The following ERBIN variants were observed in gnomAD, a reference collection of about 807,000 sequenced individuals.
ERBIN encodes the protein erbb2 interacting protein.
In ERBIN, 60 loss-of-function variants were observed where a neutral mutation model predicts 158.4. That is an observed-to-expected ratio of 0.38 (90% CI 0.31 to 0.47). The LOEUF (loss-of-function observed/expected upper bound fraction) is 0.47. ERBIN is among the 20% of genes least tolerant of loss of function. The pLI, the probability that ERBIN is intolerant of heterozygous loss-of-function variation, is 0.99. For synonymous variants in ERBIN, 594 were observed against 557.2 expected (o/e 1.07, Z -0.93); for missense variants, 1,610 against 1,648.0 (o/e 0.98, Z 0.40).
chr5:66,023,851 T>A (rs1755955380), intron 9 of ERBIN, among the ~76,000 whole-genome samples: 1 of 152,014 alleles, frequency 6.6e-6, no homozygotes, highest in African/African-American at 2.4e-5. Context: ...AATTTTTTTT[T>A]ATTTTTTAGT....
chr5:65,958,679 A>T (rs984425423), intron 1 of ERBIN, among the ~76,000 whole-genome samples: 17 of 151,684 alleles, frequency 1.1e-4, no homozygotes, highest in Non-Finnish European at 2.2e-4. Context: ...AGGGGGAGGG[A>T]AATGTAGGAT....
chr5:65,994,771 C>T lies in ERBIN; in HGVS notation c.214C>T (p.His72Tyr), dbSNP rs751899967. Reference sequence around the variant, plus strand: ...GCAACTTTTTAACTGTCAGTCTTTACACAAACTGAGTTTGCCAGACAATGA... The same window carrying T: ...GCAACTTTTTAACTGTCAGTCTTTATACAAACTGAGTTTGCCAGACAATGA... ...PKQLFNCQSL[H>Y]KLSLPDNDLT... The change falls in exon 4 of 26, where the codon CAC becomes TAC. Residue 72 changes from histidine (H) to tyrosine (Y), a missense_variant. His to Tyr is a moderately conservative substitution (Grantham distance 83, BLOSUM62 2). This residue lies in a region of ERBIN where 596 missense variants were observed against 711.9 expected (regional missense o/e 0.84). Coordinates refer to ENST00000284037, the MANE Select transcript of ERBIN (RefSeq NM_001253697.2). 6.2e-7 allele frequency: 1 copy of T among 1,606,074 alleles called. No individual in the cohort carries two copies. The highest frequency in any genetic ancestry group is 8.5e-7 in the Non-Finnish European group (1 of 1,177,024).
chr5:65,981,575 A>G (rs753707743), intron 1 of ERBIN, among the ~76,000 whole-genome samples: 2 of 152,220 alleles, frequency 1.3e-5, no homozygotes, highest in Non-Finnish European at 2.9e-5. Context: ...TGCTTATGGT[A>G]CAGATTCTAT....
At chr5:66,048,869 T>C (rs1376687783) in intron 19 of ERBIN, 88 bp downstream of exon 19, 1 of 745,312 alleles carries the variant, frequency 1.3e-6, no homozygotes, top group Non-Finnish European at 2.1e-6. Flanking sequence ...GAATATTATG[T>C]TATTTGATAC....
intron 1 of ERBIN, among the ~76,000 whole-genome samples, chr5:65,970,505 T>C (rs1211985417): frequency 2.6e-5 from 4 of 152,232 alleles, no homozygotes; most frequent in Admixed American, 6.5e-5. Flanking sequence ...TTCTACACTT[T>C]GGTTTATATA....
intron 4 of ERBIN, among the ~76,000 whole-genome samples, chr5:66,001,339 T>G (rs866862912): frequency 6.6e-6 from 1 of 152,198 alleles, no homozygotes. Flanking sequence ...GTGCACTGTT[T>G]GGAAGGAGGC....
chr5:66,014,699 A>G lies in ERBIN; in HGVS notation c.507A>G (p.Arg169=). ...CTAAACTCCAAATATTAGAGCTTAGAGAAAACCAGTTAAAAATGTTGCCTA... is the reference window on the plus strand; with the variant it reads ...CTAAACTCCAAATATTAGAGCTTAGGGAAAACCAGTTAAAAATGTTGCCTA... ...RLTKLQILEL[R]ENQLKMLPKT... The change falls in exon 7 of 26, where the codon AGA becomes AGG. Residue 169 remains arginine (R), a synonymous_variant. Transcript: ENST00000284037. 6.9e-7 allele frequency: 1 copy of G among 1,456,254 alleles called. No homozygotes were observed. 90.2% of individuals were successfully genotyped at this position (1,456,254 alleles called of 1,614,324 possible).
intron 18 of ERBIN, among the ~76,000 whole-genome samples, chr5:66,047,948 CTG>C (rs767858800): frequency 1.1e-4 from 17 of 151,838 alleles, no homozygotes; most frequent in Admixed American, 5.3e-4. Flanking sequence ...TAAGGATAGA[CTG>C]TGCTAAGTGT....
At chr5:65,984,412 T>G (rs1398103882) in intron 1 of ERBIN, among the ~76,000 whole-genome samples, 1 of 152,196 alleles carries the variant, frequency 6.6e-6, no homozygotes, top group East Asian at 1.9e-4. Flanking sequence ...TGGGTTCTTT[T>G]TCTCCTCTCT....
At chr5:66,059,926 T>C (rs1760071023) in intron 21 of ERBIN, among the ~76,000 whole-genome samples, 1 of 152,376 alleles carries the variant, frequency 6.6e-6, no homozygotes, top group African/African-American at 2.4e-5. Flanking sequence ...GATGTGTTGC[T>C]GGATTCAGTT....
At chr5:66,023,118 G>A (rs1414366256) in intron 8 of ERBIN, 172 bp from the exon 9 acceptor site, 15 of 543,604 alleles carry the variant, frequency 2.8e-5, no homozygotes, top group East Asian at 6.4e-5. Flanking sequence ...CTATAATGCA[G>A]TAGAAAGGCT....
At chr5:66,067,122 A>T (rs539674776) in intron 21 of ERBIN, among the ~76,000 whole-genome samples, 1 of 152,274 alleles carries the variant, frequency 6.6e-6, no homozygotes, top group South Asian at 2.1e-4. Flanking sequence ...TCAAATGTTT[A>T]TGAAACCTCC....
In ERBIN at chr5:66,081,413, T is replaced by G. The variant is rs930648041; in HGVS notation, c.*2883T>G. 2.6e-5 allele frequency: 4 copies of G among 151,510 alleles called. No individual in the cohort carries two copies. Among genetic ancestry groups the G allele is most frequent in the African/African-American group, 9.7e-5 (4 of 41,398 alleles). 9.4% of individuals were successfully genotyped at this position (151,510 alleles called of 1,614,324 possible). On this transcript the variant is annotated 3_prime_UTR_variant, in exon 26 of 26. Transcript: ENST00000284037. ...ACTTGCCATAAGCAGAACCAAACTT[T>G]TAAGTATTAATTTGCTGCACTTAAA...
intron 21 of ERBIN, among the ~76,000 whole-genome samples, chr5:66,060,874 G>A (rs999201563): frequency 1.3e-5 from 2 of 152,182 alleles, no homozygotes; most frequent in African/African-American, 4.8e-5. Flanking sequence ...TTAATCCTGA[G>A]TTCTAGTTTG....
At chr5:65,934,889 C>G (rs1024708369) in intron 1 of ERBIN, among the ~76,000 whole-genome samples, 1 of 152,112 alleles carries the variant, frequency 6.6e-6, no homozygotes, top group Non-Finnish European at 1.5e-5. Flanking sequence ...TGAGAACCCC[C>G]TGGCTTATTT....
At chr5:65,942,538 A>G (rs1189191883) in intron 1 of ERBIN, among the ~76,000 whole-genome samples, 1 of 152,230 alleles carries the variant, frequency 6.6e-6, no homozygotes, top group East Asian at 1.9e-4. Flanking sequence ...TTAATTTACA[A>G]AAAAAGTTTA....
In ERBIN at chr5:66,054,510, A is replaced by G. The variant is rs1304553706; in HGVS notation, c.3192A>G (p.Arg1064=). ...GEMWAISPND[R]LIPAVTRSTI... ...TGTGGGCCATCTCACCAAACGACCGACTTATTCCTGCAGTAACTCGAAGTA... is the reference window on the plus strand; with the variant it reads ...TGTGGGCCATCTCACCAAACGACCGGCTTATTCCTGCAGTAACTCGAAGTA... The change falls in exon 21 of 26, where the codon CGA becomes CGG. Residue 1064 remains arginine, a synonymous_variant. Transcript: ENST00000284037. The G allele has an allele frequency of 1.9e-6, 3 of 1,614,070 alleles. No individual in the cohort carries two copies. The East Asian group carries it at 6.7e-5, about 36-fold the overall frequency.
intron 4 of ERBIN, among the ~76,000 whole-genome samples, chr5:66,005,788 A>G (rs1172888666): frequency 1.3e-5 from 2 of 152,236 alleles, no homozygotes; most frequent in Non-Finnish European, 2.9e-5. Context: ...GTGAACTCCC[A>G]TTCACAATTG....
In ERBIN at chr5:66,053,571, A is replaced by G. The variant is rs1163522408; in HGVS notation, c.2253A>G (p.Thr751=). Residue 751 remains threonine, a synonymous_variant, in exon 21 of 26, where the codon ACA becomes ACG. Transcript: ENST00000284037. ...TAATTGAGAAAAGTGTTGACTCAAC[A>G]GCCACAGCTGATGACACTCACAAAT... The part of the protein sequence containing the change: ...LVLIEKSVDS[T]ATADDTHKLD... 3.1e-6 allele frequency: 5 copies of G among 1,610,928 alleles called. No homozygotes were observed. Among genetic ancestry groups the G allele is most frequent in the South Asian group, 1.1e-5 (1 of 90,678 alleles).
Sources: allele counts gnomAD v4.1 joint callset (sites outside exome capture counted in the v4.1 genomes callset), GRCh38; gene constraint gnomAD v4.1.1; regional missense constraint gnomAD v4.1.1; transcripts MANE v1.5; gene names NCBI Gene and HGNC (gene_info 2026-07-23, HGNC 2026-07-21).